Variants in CCDC125 observed in about 807,000 individuals in gnomAD.
The protein encoded by CCDC125 is coiled-coil domain-containing protein 125.
In CCDC125, 43 loss-of-function variants were observed where a neutral mutation model predicts 57.4. The ratio of observed to expected loss-of-function variants is 0.75; its 90% CI spans 0.59 to 0.97. The LOEUF (loss-of-function observed/expected upper bound fraction) is 0.97. Among genes scored for constraint, CCDC125 ranks in the 50% least tolerant of loss-of-function variants. The pLI, the probability that CCDC125 is intolerant of heterozygous loss-of-function variation, is 0.00. For synonymous variants in CCDC125, 187 were observed against 195.2 expected (o/e 0.96, Z 0.35); for missense variants, 563 against 595.7 (o/e 0.95, Z 0.57).
At chr5:69,325,436 C>T (rs1341873663) in intron 1 of CCDC125, among the ~76,000 whole-genome samples, 8 of 151,806 alleles carry the variant, frequency 5.3e-5, no homozygotes, top group Non-Finnish European at 8.8e-5. Flanking sequence ...AAACACTCTG[C>T]AAGAAAATAC....
At chr5:69,323,860 C>G (rs1032637697) in intron 1 of CCDC125, 4 of 152,060 alleles carry the variant, frequency 2.6e-5, no homozygotes, top group Non-Finnish European at 5.9e-5. Flanking sequence ...GCCTCCAGGA[C>G]AGAGTGCAGT....
At chr5:69,299,893 C>T in intron 8 of CCDC125, 119 bp downstream of exon 8, 1 of 812,160 alleles carries the variant, frequency 1.2e-6, no homozygotes, top group Non-Finnish European at 2.1e-6. Flanking sequence ...GCGTCTCTCA[C>T]TCCCATCCTC....
downstream of CCDC125, among the ~76,000 whole-genome samples, chr5:69,278,945 T>G (rs1471586183): frequency 6.7e-6 from 1 of 149,670 alleles, no homozygotes; most frequent in Non-Finnish European, 1.5e-5. Flanking sequence ...CAGCTCACTG[T>G]AACCTCTGCA....
intron 11 of CCDC125, among the ~76,000 whole-genome samples, chr5:69,284,726 AG>A (rs960544842): frequency 7.9e-5 from 12 of 152,328 alleles, no homozygotes; most frequent in Middle Eastern, 3.4e-3. Context: ...AGCTTAACCT[AG>A]GGGTGTCCAA....
chr5:69,315,063 T>C (rs757166841), intron 2 of CCDC125, among the ~76,000 whole-genome samples: 2 of 150,686 alleles, frequency 1.3e-5, no homozygotes, highest in Admixed American at 6.6e-5. Context: ...CAAGGCCAGC[T>C]TGGCCAACAT....
chr5:69,307,125 T>A (rs896776983), intron 5 of CCDC125, among the ~76,000 whole-genome samples: 2 of 152,164 alleles, frequency 1.3e-5, no homozygotes, highest in Admixed American at 6.6e-5. Context: ...ATAGAAAAAA[T>A]TTCAAATTGT....
chr5:69,324,749 C>T (rs1760509546), intron 1 of CCDC125, among the ~76,000 whole-genome samples: 2 of 152,106 alleles, frequency 1.3e-5, no homozygotes, highest in South Asian at 4.1e-4. Context: ...GTGGTGGCTC[C>T]CACCTGTAAT....
Position 69,281,556 on chromosome 5 carries a change from A to G in CCDC125, c.*1173T>C, listed in dbSNP as rs1306782979. The G allele has an allele frequency of 6.6e-6, 1 of 152,184 alleles. No individual in the cohort carries two copies. Among genetic ancestry groups the G allele is most frequent in the Non-Finnish European group, 1.5e-5 (1 of 68,032 alleles). 9.4% of individuals were successfully genotyped at this position (152,184 alleles called of 1,614,324 possible). ...AATGTTACTACCCTGACAAGAAGCC[A>G]TGAACGCAGCCGGCACTGACTCAAT... On this transcript the variant is annotated 3_prime_UTR_variant, in exon 12 of 12. Transcript: ENST00000396496.
At chr5:69,283,739 C>T (rs538168026) in intron 11 of CCDC125, among the ~76,000 whole-genome samples, 13 of 149,422 alleles carry the variant, frequency 8.7e-5, no homozygotes, top group South Asian at 8.5e-4. Context: ...CCACTCGCCT[C>T]GGCCTCCCAA....
intron 5 of CCDC125, among the ~76,000 whole-genome samples, chr5:69,307,507 C>T (rs1402635417): frequency 6.6e-6 from 1 of 151,836 alleles, no homozygotes; most frequent in African/African-American, 2.4e-5. Flanking sequence ...ATGGTGAAAT[C>T]CTGTCTCTAC....
At chr5:69,296,449 G>A (rs1755337915) in intron 8 of CCDC125, among the ~76,000 whole-genome samples, 1 of 151,998 alleles carries the variant, frequency 6.6e-6, no homozygotes. Flanking sequence ...CTACTTGGGA[G>A]GCTGAGGTAG....
In CCDC125 at chr5:69,282,963, G is replaced by A. The variant is rs145384207; in HGVS notation, c.1302C>T (p.Asp434=). The A allele has an allele frequency of 1.2e-6, 2 of 1,613,422 alleles. No individual in the cohort carries two copies. ...VSYMLARALE[D]KDTASNENKE... ...TATTCTCGTTTGAAGCAGTGTCTTTGTCTTCCAATGCCCGAGCAAGCATGT... is the reference window on the plus strand; with the variant it reads ...TATTCTCGTTTGAAGCAGTGTCTTTATCTTCCAATGCCCGAGCAAGCATGT... The change falls in exon 12 of 12, where the codon GAC becomes GAT. Residue 434 remains aspartate (D), a synonymous_variant. Coordinates refer to ENST00000396496, the MANE Select transcript of CCDC125 (RefSeq NM_176816.5).
chr5:69,294,027 G>T (rs1428591188), intron 9 of CCDC125: 1 of 389,958 alleles, frequency 2.6e-6, no homozygotes, highest in Non-Finnish European at 3.5e-6. Context: ...CCCGTCCAAA[G>T]CCACACAGCT....
chr5:69,294,568 C>T (rs11741775), intron 9 of CCDC125, among the ~76,000 whole-genome samples: 60,436 of 151,760 alleles, frequency 0.4, 12,898 homozygotes, highest in South Asian at 0.46. Flanking sequence ...GCTGGGATTA[C>T]AGGCGTGAGC....
intron 10 of CCDC125, among the ~76,000 whole-genome samples, chr5:69,287,917 T>G (rs1383426977): frequency 1.3e-5 from 2 of 151,994 alleles, no homozygotes; most frequent in African/African-American, 4.8e-5. Flanking sequence ...AGTGCCTTAC[T>G]GGAACTCAGA....
In CCDC125 at chr5:69,321,431, CGTT is replaced by C. The variant is rs1760005225; in HGVS notation, c.-40-854_-40-852del. On this transcript the variant is annotated intron_variant, in intron 1 of 11. Transcript: ENST00000396496. ...GAAATGTGTTGTTAGGCAATTTTGT[CGTT>C]GTGTGAACACCATAGAGCATACATA... Among the ~76,000 whole-genome samples the C allele has an allele frequency of 2.6e-5, 4 of 152,282 alleles. No homozygotes were observed. The South Asian group carries it at 8.3e-4, about 32-fold the overall frequency.
rs773632477 is a variant in CCDC125 at position 69,298,610 on chromosome 5, C to T, written c.816+1402G>A. ...TGGGAAGGGCCAATATCAATCACAACGGGTTGCGGCCAGGACCCCTGACTC... is the reference window on the plus strand; with the variant it reads ...TGGGAAGGGCCAATATCAATCACAATGGGTTGCGGCCAGGACCCCTGACTC... On this transcript the variant is annotated intron_variant, in intron 8 of 11. Transcript: ENST00000396496. 3.7e-4 allele frequency among the ~76,000 whole-genome samples: 56 copies of T among 152,142 alleles called. 1 individual carries two copies. The highest frequency in any genetic ancestry group is 1.3e-3 in the African/African-American group (53 of 41,422).
At position 69,294,848 on chromosome 5, in the gene CCDC125, G is replaced by T; in HGVS notation, c.869C>A (p.Ser290Tyr). The T allele has an allele frequency of 1.2e-6, 2 of 1,614,246 alleles. No homozygotes were observed. Among genetic ancestry groups the T allele is most frequent in the South Asian group, 2.2e-5 (2 of 91,090 alleles). ...AGTGGATGCTGCCATTCTGGCACAA[G>T]AACAGGGGTTCCCTCCGGGCCCATG... ...LCHGPGGNPC[S>Y]CARMAASTRK... The change falls in exon 9 of 12, where the codon TCT becomes TAT. Residue 290 changes from serine to tyrosine, a missense_variant. Physicochemically the swap from Ser to Tyr is moderately radical, Grantham distance 144 (BLOSUM62 -2). Transcript: ENST00000396496.
chr5:69,291,338 A>G (rs1258703104), intron 10 of CCDC125, among the ~76,000 whole-genome samples: 2 of 152,006 alleles, frequency 1.3e-5, no homozygotes, highest in East Asian at 3.9e-4. Flanking sequence ...TTTTTAATAC[A>G]CAGATATAAT....
Sources: gnomAD v4.1 joint callset for allele counts (sites outside exome capture counted in the v4.1 genomes callset) on GRCh38, gnomAD v4.1.1 for gene constraint, MANE v1.5 for transcripts, NCBI Gene and HGNC (gene_info 2026-07-23, HGNC 2026-07-21) for gene names.